The following NCOA7 variants were observed in gnomAD, a reference collection of about 807,000 sequenced individuals.
NCOA7 encodes the protein nuclear receptor coactivator 7.
NCOA7 carries 45 observed loss-of-function variants against 104.3 expected under a neutral mutation model. The observed-to-expected ratio is 0.43, with a 90% CI of 0.34 to 0.55. NCOA7 has a LOEUF of 0.55. NCOA7 is among the 20% of genes least tolerant of loss of function. The pLI is 0.02. For missense variants in NCOA7, 1,041 were observed against 1,119.7 expected (o/e 0.93, Z 1.00); for synonymous variants, 398 against 402.3 (o/e 0.99, Z 0.13).
intron 2 of NCOA7, among the ~76,000 whole-genome samples, chr6:125,818,041 T>C (rs1214437443): frequency 6.6e-6 from 1 of 151,596 alleles, no homozygotes; most frequent in Non-Finnish European, 1.5e-5. Flanking sequence ...CTTCCTCCTC[T>C]TCTTCCTCCT....
At chr6:125,892,932 C>T (rs1471078378) in intron 10 of NCOA7, among the ~76,000 whole-genome samples, 1 of 152,146 alleles carries the variant, frequency 6.6e-6, no homozygotes. Flanking sequence ...GTTTCCATGT[C>T]TACCTCCCCT....
At chr6:125,917,066 A>T (rs1420056906) in intron 11 of NCOA7, among the ~76,000 whole-genome samples, 2 of 152,170 alleles carry the variant, frequency 1.3e-5, no homozygotes, top group Non-Finnish European at 2.9e-5. Flanking sequence ...TAAAAGCTTC[A>T]GTGGCCTCCT....
At chr6:125,872,728 A>C (rs979954981) in intron 3 of NCOA7, among the ~76,000 whole-genome samples, 18 of 152,204 alleles carry the variant, frequency 1.2e-4, no homozygotes, top group Non-Finnish European at 1.9e-4. Context: ...AACTACACAA[A>C]CTAGTTTTTA....
intron 2 of NCOA7, among the ~76,000 whole-genome samples, chr6:125,830,281 C>T (rs1779055527): frequency 6.6e-6 from 1 of 152,136 alleles, no homozygotes; most frequent in African/African-American, 2.4e-5. Context: ...GAGTATCGTA[C>T]CTTTCCATCC....
At chr6:125,909,879 C>G (rs189097897) in intron 10 of NCOA7, among the ~76,000 whole-genome samples, 49 of 152,182 alleles carry the variant, frequency 3.2e-4, no homozygotes, top group Non-Finnish European at 5.3e-4. Flanking sequence ...TTCAAGGAAG[C>G]AGGGCCTTGC....
intron 2 of NCOA7, among the ~76,000 whole-genome samples, chr6:125,839,373 C>A (rs1453555769): frequency 6.6e-6 from 1 of 152,206 alleles, no homozygotes; most frequent in African/African-American, 2.4e-5. Flanking sequence ...CAACCTCAGC[C>A]TCACAAAGTG....
In NCOA7 at chr6:125,826,459, A is replaced by C. The variant is rs181663307; in HGVS notation, c.50+11055A>C. 2.0e-5 allele frequency among the ~76,000 whole-genome samples: 3 copies of C among 152,248 alleles called. No homozygotes were observed. In the East Asian group the frequency reaches 5.8e-4, roughly 29 times the overall value. ...TTCTTCCTATTTGTTTTTAATGCAT[A>C]GGAAAACCTTTCTGTGATTTTGAAT... On this transcript the variant is annotated intron_variant, in intron 2 of 15. Coordinates refer to ENST00000392477, the MANE Select transcript of NCOA7 (RefSeq NM_181782.5).
At chr6:125,786,955 T>C (rs1774499312), upstream of NCOA7, among the ~76,000 whole-genome samples, 1 of 152,018 alleles carries the variant, frequency 6.6e-6, no homozygotes, top group Non-Finnish European at 1.5e-5. Context: ...GGGACCAGCC[T>C]GGGCAACATG....
chr6:125,831,965 T>C (rs1006908550), intron 2 of NCOA7, among the ~76,000 whole-genome samples: 19 of 152,222 alleles, frequency 1.2e-4, no homozygotes, highest in Non-Finnish European at 2.4e-4. Context: ...TTTACTGAGA[T>C]GCTTTCAGCA....
chr6:125,797,469 A>T (rs1775447303), intron 1 of NCOA7, among the ~76,000 whole-genome samples: 3 of 152,192 alleles, frequency 2.0e-5, no homozygotes, highest in Admixed American at 2.0e-4. Context: ...TCTTATCACT[A>T]ACCAGGTATG....
chr6:125,888,985 G>A lies in NCOA7; in HGVS notation c.931G>A (p.Glu311Lys). 6.2e-7 allele frequency: 1 copy of A among 1,613,636 alleles called. No homozygotes were observed. The highest frequency in any genetic ancestry group is 8.5e-7 in the Non-Finnish European group (1 of 1,179,774). Residue 311 changes from glutamate to lysine, a missense_variant, in exon 9 of 16, where the codon GAA (glutamate) becomes AAA (lysine). Physicochemically the swap from Glu to Lys is moderately conservative, Grantham distance 56. Around this residue, in one of 2 missense-constraint regions of NCOA7, gnomAD observed 914 missense variants for 942.7 expected, o/e 0.97. Transcript: ENST00000392477. ...TCCTCTGTACAGGCCTGGAGAATGG[G>A]AAGACCTGGCTTCAGAAAAGGATAT... ...LCPLYRPGEW[E>K]DLASEKDINP... is the part of the protein sequence containing the mutation.
At chr6:125,871,580 C>T (rs1782911265) in intron 3 of NCOA7, among the ~76,000 whole-genome samples, 1 of 152,200 alleles carries the variant, frequency 6.6e-6, no homozygotes, top group South Asian at 2.1e-4. Context: ...ATAGTATTTG[C>T]CTTGTGGCTT....
At chr6:125,895,991 CTG>C (rs1477467637) in intron 10 of NCOA7, among the ~76,000 whole-genome samples, 4 of 140,308 alleles carry the variant, frequency 2.9e-5, no homozygotes, top group African/African-American at 5.4e-5. Context: ...GTGTGTGTGT[CTG>C]TGTGTGTATA....
intron 3 of NCOA7, among the ~76,000 whole-genome samples, chr6:125,860,370 C>T (rs1161675584): frequency 6.6e-6 from 1 of 152,078 alleles, no homozygotes; most frequent in Non-Finnish European, 1.5e-5. Context: ...TTTGTTGAGA[C>T]AGAGTCTTGC....
chr6:125,900,133 G>A (rs1785373528), intron 10 of NCOA7: 1 of 462,734 alleles, frequency 2.2e-6, no homozygotes, highest in Non-Finnish European at 4.6e-6. Context: ...TTCTCTACCA[G>A]TAGGGGCTGT....
intron 8 of NCOA7, among the ~76,000 whole-genome samples, chr6:125,886,462 A>C (rs1784272302): frequency 6.6e-6 from 1 of 152,246 alleles, no homozygotes; most frequent in African/African-American, 2.4e-5. Context: ...AATAATAGAC[A>C]GTACATCTTT....
chr6:125,831,013 A>T (rs1372628559), intron 2 of NCOA7, among the ~76,000 whole-genome samples: 3 of 152,172 alleles, frequency 2.0e-5, no homozygotes, highest in African/African-American at 7.2e-5. Flanking sequence ...ATGCAACTTG[A>T]ATAGCATGTG....
chr6:125,819,668 G>T (rs571602694), intron 2 of NCOA7, among the ~76,000 whole-genome samples: 2 of 152,274 alleles, frequency 1.3e-5, no homozygotes, highest in African/African-American at 4.8e-5. Flanking sequence ...TGTACTATTT[G>T]TACTGTGTAC....
At chr6:125,790,152 G>T (rs959067114), upstream of NCOA7, among the ~76,000 whole-genome samples, 2 of 152,234 alleles carry the variant, frequency 1.3e-5, no homozygotes, top group African/African-American at 4.8e-5. Context: ...ACCGGGAACG[G>T]GAGGGGGAAG....
Sources: gnomAD v4.1 joint callset for allele counts (sites outside exome capture counted in the v4.1 genomes callset) on GRCh38, gnomAD v4.1.1 for gene constraint, gnomAD v4.1.1 regional missense constraint, MANE v1.5 for transcripts, NCBI Gene and HGNC (gene_info 2026-07-23, HGNC 2026-07-21) for gene names.